ABCC8: variants seen among roughly 807,000 people sequenced by gnomAD.
ABCC8 encodes ATP-binding cassette sub-family C member 8.
Under a neutral mutation model 188.0 loss-of-function variants are expected in ABCC8, and 137 were observed. The ratio of observed to expected loss-of-function variants is 0.73; its 90% CI spans 0.63 to 0.84. The LOEUF (loss-of-function observed/expected upper bound fraction) is 0.84. Ranked by LOEUF, ABCC8 falls within the 40% of genes least tolerant of loss-of-function variation. The pLI is 0.00. For missense variants in ABCC8, 1,750 were observed against 2,072.7 expected, an observed-to-expected ratio of 0.84 and a Z score of 3.02; for synonymous variants, 797 against 846.5, an observed-to-expected ratio of 0.94 and a Z score of 1.01.
At position 17,460,470 on chromosome 11, in the gene ABCC8, AC is replaced by A. The variant is rs1346712530; in HGVS notation, c.1011+17del. 1.9e-6 allele frequency: 3 copies of A among 1,613,904 alleles called. No homozygotes were observed. The highest frequency in any genetic ancestry group is 2.5e-6 in the Non-Finnish European group (3 of 1,180,034). On this transcript the variant is annotated intron_variant, in intron 6 of 38. Coordinates refer to ENST00000389817, the MANE Select transcript of ABCC8 (RefSeq NM_000352.6). The stretch of plus-strand genomic sequence containing the variant: ...AACCATCTAGAGGGTGCCTTACCCT[AC>A]CCCTGGGGCTGCCTACCTTGGGCTG...
chr11:17,409,415 T>C (rs1422653942), intron 22 of ABCC8, among the ~76,000 whole-genome samples: 2 of 152,184 alleles, frequency 1.3e-5, no homozygotes, highest in African/African-American at 4.8e-5. Flanking sequence ...AGCCAGCACT[T>C]CTGTGTTCCT....
At chr11:17,428,493 C>T (rs568623934) in intron 13 of ABCC8, 72 bp downstream of exon 13, 54 of 1,604,224 alleles carry the variant, frequency 3.4e-5, no homozygotes, top group South Asian at 1.1e-4. Flanking sequence ...GGCAGAAGTC[C>T]GACACAGCAG....
intron 10 of ABCC8, 40 bp downstream of exon 10, chr11:17,442,680 C>T (rs758146559): frequency 1.5e-5 from 24 of 1,600,974 alleles, no homozygotes; most frequent in Admixed American, 1.0e-4. Flanking sequence ...CTTGCATGTA[C>T]GCAGCAGCAC....
rs1417677159 is a variant in ABCC8 at position 17,450,244 on chromosome 11, TTTTCTTTCTTTCTTTCTCTTTCTTTC to T, written c.1177-1599_1177-1574del. Among the ~76,000 whole-genome samples the T allele has an allele frequency of 9.3e-3, 631 of 67,988 alleles. 9 individuals are homozygous for T. The highest frequency in any genetic ancestry group is 0.026 in the Middle Eastern group (3 of 114). 44.6% of individuals were successfully genotyped at this position (67,988 alleles called of 152,430 possible). A position where few individuals can be genotyped will look rare whatever the true frequency, so the allele number is the denominator to read the frequency against. On this transcript the variant is annotated intron_variant, in intron 7 of 38. Coordinates refer to ENST00000389817, the MANE Select transcript of ABCC8 (RefSeq NM_000352.6). ...TTTCTCCCTAACTCCTTTCTTTTCTTTTTCTTTCTTTCTTTCTCTTTCTTTCTTTCTTTCTTTCTTTCTTTCTTTCT... is the reference window on the plus strand; with the variant it reads ...TTTCTCCCTAACTCCTTTCTTTTCTTTTTCTTTCTTTCTTTCTTTCTTTCT...
At chr11:17,394,511 G>T (rs1953804318) in intron 36 of ABCC8, 112 bp from the exon 37 acceptor site, 1 of 1,552,254 alleles carries the variant, frequency 6.4e-7, no homozygotes, top group South Asian at 1.1e-5. Flanking sequence ...GGGCAAATAG[G>T]TGGGTGTGTG....
rs780510562 is a variant in ABCC8, at chr11:17,461,813, A to G, written c.592T>C (p.Phe198Leu). 3 of 1,613,944 alleles carry G rather than the reference A, an allele frequency of 1.9e-6. No homozygotes were observed. The African/African-American group carries it at 4.0e-5, about 22-fold the overall frequency. The part of the protein sequence containing the change: ...NVIRVRRYIF[F>L]KTPREVKPPE... ...GGCTTCACCTCCCTCGGTGTCTTGA[A>G]GAAGATGTATCTCTGTGGGGCACAT... The change falls in exon 5 of 39, where the codon TTC becomes CTC. Residue 198 changes from phenylalanine (F) to leucine (L), a missense_variant. Transcript: ENST00000389817.
chr11:17,401,046 C>G (rs1387635617), intron 29 of ABCC8, among the ~76,000 whole-genome samples: 1 of 152,296 alleles, frequency 6.6e-6, no homozygotes, highest in South Asian at 2.1e-4. Context: ...TCTGGCTGAC[C>G]ACAGGTTTGG....
intron 10 of ABCC8, among the ~76,000 whole-genome samples, chr11:17,433,366 G>A (rs1034014235): frequency 6.6e-6 from 1 of 152,252 alleles, no homozygotes; most frequent in Non-Finnish European, 1.5e-5. Context: ...GGCTCTGCCT[G>A]TGCACATGGC....
chr11:17,476,791 G>T lies in ABCC8; in HGVS notation c.-15C>A, dbSNP rs1290659785. On this transcript the variant is annotated 5_prime_UTR_variant, in exon 1 of 39. Transcript: ENST00000389817. ...GCCAGGGGCATGGCGGCGCGGGCGC[G>T]GGCTGGGCTCGGGCTCAGCTGGCTC... The T allele has an allele frequency of 1.9e-6, 3 of 1,539,900 alleles. No individual in the cohort carries two copies. In the African/African-American group the frequency reaches 4.2e-5, roughly 22 times the overall value.
chr11:17,443,490 G>A, intron 8 of ABCC8, 178 bp from the exon 9 acceptor site: 1 of 1,002,912 alleles, frequency 1.0e-6, no homozygotes, highest in East Asian at 2.7e-5. Flanking sequence ...AATTTCAAAA[G>A]GAGGTTAGCA....
intron 35 of ABCC8, 77 bp downstream of exon 35, chr11:17,395,533 C>A: frequency 1.3e-6 from 2 of 1,524,360 alleles, no homozygotes; most frequent in Non-Finnish European, 1.8e-6. Flanking sequence ...CCCCCAACCC[C>A]CTCCTCTTTG....
chr11:17,452,440 G>A (rs1009570139), intron 7 of ABCC8, among the ~76,000 whole-genome samples: 2 of 152,150 alleles, frequency 1.3e-5, no homozygotes, highest in African/African-American at 4.8e-5. Flanking sequence ...ATGGTTTCAG[G>A]ATGAAACTGT....
chr11:17,463,695 A>G (rs1307099325), intron 3 of ABCC8, 91 bp from the exon 4 acceptor site: 1 of 1,514,190 alleles, frequency 6.6e-7, no homozygotes, highest in African/African-American at 1.4e-5. Context: ...AGAGAAGGAG[A>G]CAGAATAAGC....
Position 17,393,119 on chromosome 11 carries a change from G to A in ABCC8, c.4618C>T (p.His1540Tyr), listed in dbSNP as rs1179007781. The change falls in exon 39 of 39, where the codon CAC (histidine) becomes TAC (tyrosine). Residue 1540 changes from histidine (H) to tyrosine (Y), a missense_variant. His to Tyr is a moderately conservative substitution (Grantham distance 83, BLOSUM62 2). Coordinates refer to ENST00000389817, the MANE Select transcript of ABCC8 (RefSeq NM_000352.6). ...RTVVTIAHRVHTILSADLVIV... is the reference protein window; with the variant it reads ...RTVVTIAHRVYTILSADLVIV... Reference sequence around the variant, plus strand: ...ACCAGGTCTGCACTCAGGATGGTGTGCACTCGATGCTGGGCAGGGCAGGAG... The same window carrying A: ...ACCAGGTCTGCACTCAGGATGGTGTACACTCGATGCTGGGCAGGGCAGGAG... 1.9e-6 allele frequency: 3 copies of A among 1,612,948 alleles called. No individual in the cohort carries two copies.
chr11:17,397,910 CCTG>C, intron 30 of ABCC8, 113 bp from the exon 31 acceptor site: 1 of 1,529,062 alleles, frequency 6.5e-7, no homozygotes, highest in Non-Finnish European at 8.8e-7. Flanking sequence ...CCACTCCAGC[CCTG>C]CAACTCATGC....
chr11:17,459,042 G>A (rs921885268), intron 6 of ABCC8, among the ~76,000 whole-genome samples: 1 of 152,180 alleles, frequency 6.6e-6, no homozygotes, highest in Non-Finnish European at 1.5e-5. Context: ...CCCAGACTGT[G>A]GAGTGAGTCT....
chr11:17,412,102 C>T (rs1390752088), intron 21 of ABCC8, among the ~76,000 whole-genome samples: 1 of 152,174 alleles, frequency 6.6e-6, no homozygotes, highest in South Asian at 2.1e-4. Context: ...CCGTGTTGGC[C>T]AGGATGGTCT....
rs377679465 is a variant in ABCC8 at position 17,448,465 on chromosome 11, C to A, written c.1332+51G>T. On this transcript the variant is annotated intron_variant, in intron 8 of 38. Coordinates refer to ENST00000389817, the MANE Select transcript of ABCC8 (RefSeq NM_000352.6). ...GTTACTGGCCATGGACCAGCAGATTCTGGTTGTGTGTCCTGCTGCCCCCCT... is the reference window on the plus strand; with the variant it reads ...GTTACTGGCCATGGACCAGCAGATTATGGTTGTGTGTCCTGCTGCCCCCCT... 94 of 1,535,864 alleles carry A rather than the reference C, an allele frequency of 6.1e-5. 1 individual carries two copies. Among genetic ancestry groups the A allele is most frequent in the Middle Eastern group, 5.5e-4 (3 of 5,452 alleles).
intron 4 of ABCC8, 29 bp downstream of exon 4, chr11:17,463,408 AC>A: frequency 6.4e-7 from 1 of 1,568,370 alleles, no homozygotes; most frequent in Non-Finnish European, 8.7e-7. Flanking sequence ...TCTGCTTCCC[AC>A]CCCACCCTGG....
Sources: gnomAD v4.1 joint callset for allele counts (sites outside exome capture counted in the v4.1 genomes callset) on GRCh38, gnomAD v4.1.1 for gene constraint, MANE v1.5 for transcripts, NCBI Gene and HGNC (gene_info 2026-07-23, HGNC 2026-07-21) for gene names.